Variants in CRACD observed in about 807,000 individuals in gnomAD.
The protein encoded by CRACD is capping protein-inhibiting regulator of actin dynamics.
A neutral mutation model predicts 106.8 loss-of-function variants in CRACD; 56 were observed. The ratio of observed to expected loss-of-function variants is 0.52; its 90% CI spans 0.42 to 0.66. The LOEUF is 0.66. Among genes scored for constraint, CRACD ranks in the 30% least tolerant of loss-of-function variants. CRACD has a pLI of 0.00. For missense variants in CRACD, 1,730 were observed against 1,623.2 expected (o/e 1.07, Z -1.13); for synonymous variants, 754 against 670.8 (o/e 1.12, Z -1.92).
Position 56,084,710 on chromosome 4 carries a change from A to G in CRACD, c.-336+35411A>G, listed in dbSNP as rs182901006. Among the ~76,000 whole-genome samples the G allele has an allele frequency of 6.3e-4, 96 of 152,302 alleles. 2 individuals are homozygous for G. In the East Asian group the frequency reaches 0.016, roughly 25 times the overall value. On this transcript the variant is annotated intron_variant, in intron 1 of 10. Transcript: ENST00000682029. ...GCCCTTTCCTAGTAATTGATATTCA[A>G]TATCTGCCACAAGAGGAGTTTTTTG...
chr4:56,291,719 C>G lies in CRACD; in HGVS notation c.-16-6495C>G, dbSNP rs747282096. On this transcript the variant is annotated intron_variant, in intron 3 of 10. Transcript: ENST00000682029. ...TTTTGCCTTCTACCATGATTGTAAG[C>G]TTCTTGAAACCCTCACCAGAAGCCA... 7.9e-5 allele frequency among the ~76,000 whole-genome samples: 12 copies of G among 152,176 alleles called. 1 individual carries two copies. Among genetic ancestry groups the G allele is most frequent in the Non-Finnish European group, 1.6e-4 (11 of 68,040 alleles).
At chr4:56,285,586 C>T (rs998611565) in intron 3 of CRACD, among the ~76,000 whole-genome samples, 1 of 152,092 alleles carries the variant, frequency 6.6e-6, no homozygotes, top group Non-Finnish European at 1.5e-5. Context: ...ACAACAGGCA[C>T]GGGCCACCAC....
chr4:56,131,517 A>G (rs1434655453), intron 1 of CRACD, among the ~76,000 whole-genome samples: 1 of 152,140 alleles, frequency 6.6e-6, no homozygotes, highest in Non-Finnish European at 1.5e-5. Context: ...ATGCAGTTTG[A>G]TGAGCTCAGG....
chr4:56,250,093 A>T (rs1375765669), intron 2 of CRACD, among the ~76,000 whole-genome samples: 2 of 152,076 alleles, frequency 1.3e-5, no homozygotes, highest in African/African-American at 2.4e-5. Context: ...CCTTCTCATT[A>T]TGTACTTCCT....
intron 4 of CRACD, among the ~76,000 whole-genome samples, chr4:56,304,650 T>C (rs1026735543): frequency 1.3e-5 from 2 of 152,048 alleles, no homozygotes; most frequent in Non-Finnish European, 2.9e-5. Context: ...GGCATGGTGG[T>C]GTGCATCTGT....
intron 1 of CRACD, among the ~76,000 whole-genome samples, chr4:56,154,516 A>G (rs1279810151): frequency 2.0e-5 from 1 of 50,294 alleles, no homozygotes; most frequent in Non-Finnish European, 3.2e-5. Flanking sequence ...AATTTTTATA[A>G]GCTATTTTTT....
At chr4:56,090,038 G>C (rs1733371249) in intron 1 of CRACD, among the ~76,000 whole-genome samples, 1 of 151,728 alleles carries the variant, frequency 6.6e-6, no homozygotes, top group African/African-American at 2.4e-5. Flanking sequence ...GGCATCTAGG[G>C]GCCAAAAACT....
intron 1 of CRACD, among the ~76,000 whole-genome samples, chr4:56,073,863 C>G (rs1732748528): frequency 6.6e-6 from 1 of 152,134 alleles, no homozygotes; most frequent in Non-Finnish European, 1.5e-5. Flanking sequence ...TTTAATCCAT[C>G]TTGAGTTAAT....
intron 2 of CRACD, among the ~76,000 whole-genome samples, chr4:56,269,820 C>T (rs1280094454): frequency 6.6e-6 from 1 of 152,086 alleles, no homozygotes; most frequent in African/African-American, 2.4e-5. Context: ...GAGGGATCCG[C>T]CCCCATGATC....
At chr4:56,226,591 G>A (rs1560491674) in intron 2 of CRACD, among the ~76,000 whole-genome samples, 2 of 152,250 alleles carry the variant, frequency 1.3e-5, no homozygotes, top group East Asian at 1.9e-4. Context: ...ATTTAAGATA[G>A]TGCTATAGTT....
chr4:56,131,122 T>G (rs1734811992), intron 1 of CRACD, among the ~76,000 whole-genome samples: 1 of 152,248 alleles, frequency 6.6e-6, no homozygotes, highest in South Asian at 2.1e-4. Context: ...CTAGTATGAA[T>G]TTAAATCAAT....
intron 3 of CRACD, among the ~76,000 whole-genome samples, chr4:56,291,783 C>G (rs1743717544): frequency 6.6e-6 from 1 of 152,156 alleles, no homozygotes; most frequent in Non-Finnish European, 1.5e-5. Context: ...GCCTGCAGAA[C>G]CATAAGCCAG....
At chr4:56,152,172 G>T (rs1034383847) in intron 1 of CRACD, among the ~76,000 whole-genome samples, 9 of 150,466 alleles carry the variant, frequency 6.0e-5, no homozygotes, top group Non-Finnish European at 5.9e-5. Flanking sequence ...ACCACGCCCA[G>T]CTAATTTTTT....
At chr4:56,225,508 C>A (rs941833686) in intron 2 of CRACD, among the ~76,000 whole-genome samples, 4 of 152,098 alleles carry the variant, frequency 2.6e-5, no homozygotes, top group African/African-American at 9.7e-5. Context: ...TCCCTGAACC[C>A]GTTTCTTCTT....
rs963185962 is a variant in CRACD at position 56,067,079 on chromosome 4, G to C, written c.-336+17780G>C. Among the ~76,000 whole-genome samples the C allele has an allele frequency of 1.8e-4, 28 of 152,150 alleles. No individual in the cohort carries two copies. In the East Asian group the frequency reaches 5.4e-3, roughly 29 times the overall value. On this transcript the variant is annotated intron_variant, in intron 1 of 10. Transcript: ENST00000682029. ...TGCAAAATAGAACAGGGCTTGCCTA[G>C]GTCCCAAGATTATACAAGAGCCTTT... is the stretch of plus-strand genomic sequence containing the variant.
At chr4:56,258,767 TAGACTGGGTAGTCAGAG>T (rs141485017) in intron 2 of CRACD, among the ~76,000 whole-genome samples, 11,828 of 152,180 alleles carry the variant, frequency 0.078, 1,560 homozygotes, top group East Asian at 0.61. Flanking sequence ...TACCAATTCA[TAGACTGGGTAGTCAGAG>T]ATTTGGAAGG....
intron 3 of CRACD, among the ~76,000 whole-genome samples, chr4:56,273,839 A>C (rs1415345904): frequency 6.6e-6 from 1 of 152,220 alleles, no homozygotes; most frequent in Non-Finnish European, 1.5e-5. Context: ...GCATAAGCTA[A>C]GCGGAAGGAA....
In CRACD at chr4:56,315,810, G is replaced by C. The variant is rs747322227; in HGVS notation, c.2308G>C (p.Gly770Arg). 6 of 1,614,188 alleles carry C rather than the reference G, an allele frequency of 3.7e-6. No homozygotes were observed. The highest frequency in any genetic ancestry group is 5.1e-6 in the Non-Finnish European group (6 of 1,180,036). The change falls in exon 8 of 11, where the codon GGG becomes CGG. Residue 770 changes from glycine (G) to arginine (R), a missense_variant. By Grantham distance (125) the Gly-to-Arg change is moderately radical. Transcript: ENST00000682029. The surrounding 1 kb of genome is among the most constrained non-coding windows in gnomAD (Gnocchi z 4.1). ...TCCTCCTGCTGGTGTTCGCGAGCTCGGGAAGGGTCCGGAGAAGTCGGAGAT... is the reference window on the plus strand; with the variant it reads ...TCCTCCTGCTGGTGTTCGCGAGCTCCGGAAGGGTCCGGAGAAGTCGGAGAT... ...QPPPAGVREL[G>R]KGPEKSEMHR...
intron 1 of CRACD, among the ~76,000 whole-genome samples, chr4:56,057,264 T>C (rs956445542): frequency 3.3e-5 from 5 of 152,176 alleles, no homozygotes; most frequent in Non-Finnish European, 7.3e-5. Flanking sequence ...TCCCTGCTAA[T>C]AGGTTAGGGG....
Sources: allele counts gnomAD v4.1 joint callset (sites outside exome capture counted in the v4.1 genomes callset), GRCh38; gene constraint gnomAD v4.1.1; non-coding constraint Gnocchi (gnomAD v3.1); transcripts MANE v1.5; gene names NCBI Gene and HGNC (gene_info 2026-07-23, HGNC 2026-07-21).